TTN: variants seen among roughly 807,000 people sequenced by gnomAD.
TTN encodes the protein connectin.
A neutral mutation model predicts 3,223.0 loss-of-function variants in TTN; 1,525 were observed. The observed-to-expected ratio is 0.47, with a 90% CI of 0.45 to 0.49. TTN has a LOEUF of 0.49. Among genes scored for constraint, TTN ranks in the 20% least tolerant of loss-of-function variants. The pLI is 0.00. For synonymous variants in TTN, 14,094 were observed against 15,161.0 expected, an observed-to-expected ratio of 0.93 and a Z score of 5.17; for missense variants, 40,786 against 43,424.0, an observed-to-expected ratio of 0.94 and a Z score of 5.40.
In TTN at chr2:178,718,353, T is replaced by A. The variant is rs1377167368; in HGVS notation, c.24753A>T (p.Gln8251His). 5 of 1,613,720 alleles carry A rather than the reference T, an allele frequency of 3.1e-6. No homozygotes were observed. Among genetic ancestry groups the A allele is most frequent in the Non-Finnish European group, 4.2e-6 (5 of 1,179,682 alleles). ...CAGACACCAGAGCTTCACAGATATC[T>A]TGACCAGCCTCATTTTCTATCAGGC... is the stretch of plus-strand genomic sequence containing the variant. The part of the protein sequence containing the change: ...YSCLIENEAG[Q>H]DICEALVSVL... Residue 8251 changes from glutamine (Q) to histidine (H), a missense_variant, in exon 85 of 363, where the codon CAA (glutamine) becomes CAT (histidine). Transcript: ENST00000589042.
chr2:178,679,246 T>G, intron 142 of TTN, 93 bp downstream of exon 142: 1 of 1,335,270 alleles, frequency 7.5e-7, no homozygotes, highest in Non-Finnish European at 1.1e-6. Flanking sequence ...ATGTTGTTAA[T>G]ATTGTCATGG....
Position 178,728,568 on chromosome 2 carries a change from C to T in TTN, c.19358G>A (p.Gly6453Asp). Residue 6453 changes from glycine (G) to aspartate (D), a missense_variant, in exon 66 of 363, where the codon GGT becomes GAT. Coordinates refer to ENST00000589042, the MANE Select transcript of TTN (RefSeq NM_001267550.2). The part of the protein sequence containing the change: ...RIQSVMKQDS[G>D]QYTFKVENDF... The stretch of plus-strand genomic sequence containing the variant: ...ATTTTCCACCTTGAAAGTGTACTGA[C>T]CGCTGTCCTGCTTCATTACTGACTG... 1.2e-6 allele frequency: 2 copies of T among 1,613,162 alleles called. No homozygotes were observed. Among genetic ancestry groups the T allele is most frequent in the African/African-American group, 2.7e-5 (2 of 75,004 alleles).
Position 178,729,350 on chromosome 2 carries a change from T to C in TTN, c.18806A>G (p.Tyr6269Cys). The C allele has an allele frequency of 1.2e-6, 2 of 1,613,604 alleles. No individual in the cohort carries two copies. The highest frequency in any genetic ancestry group is 1.7e-5 in the Admixed American group (1 of 59,986). ...GCCTTCATTGGATACAATGCACTGG[T>C]ATTCCCCAGTGTCTGAAGGGTCACA... ...TKCDPSDTGE[Y>C]QCIVSNEGGS... Residue 6269 changes from tyrosine to cysteine, a missense_variant, in exon 64 of 363, where the codon TAC (tyrosine) becomes TGC (cysteine). Transcript: ENST00000589042.
intron 88 of TTN, among the ~76,000 whole-genome samples, chr2:178,716,596 C>T (rs2077518564): frequency 6.6e-6 from 1 of 152,152 alleles, no homozygotes; most frequent in Admixed American, 6.5e-5. Flanking sequence ...GATCTACTTA[C>T]TCCCCAGCCC....
Position 178,564,055 on chromosome 2 carries a change from A to G in TTN, c.82077T>C (p.Ser27359=). ...LKLSNVGGTK[S]IPITVKVLDR... ...CAAGTACCTTTACAGTGATGGGTAT[A>G]GACTTTGTACCACCAACATTGCTGA... The change falls in exon 326 of 363, where the codon TCT becomes TCC. Residue 27359 remains serine, a synonymous_variant. Transcript: ENST00000589042. 1 of 1,613,774 alleles carries G rather than the reference A, an allele frequency of 6.2e-7. No individual in the cohort carries two copies. The highest frequency in any genetic ancestry group is 8.5e-7 in the Non-Finnish European group (1 of 1,179,742).
At chr2:178,750,648 C>T (rs373480236) in intron 47 of TTN, 5 of 1,612,778 alleles carry the variant, frequency 3.1e-6, no homozygotes, top group Admixed American at 3.3e-5. Context: ...GTTTTGAATT[C>T]ATCAATTCGT....
chr2:178,756,609 T>C lies in TTN; in HGVS notation c.10867A>G (p.Thr3623Ala). The C allele has an allele frequency of 6.2e-7, 1 of 1,613,602 alleles. No individual in the cohort carries two copies. Among genetic ancestry groups the C allele is most frequent in the Non-Finnish European group, 8.5e-7 (1 of 1,179,666 alleles). ...FESVSQSSIH[T>A]AASVQDTQLC... ...TGTGTATCTTGAACAGATGCAGCTG[T>C]GTGGATGGAACTTTGAGATACACTT... is the stretch of plus-strand genomic sequence containing the variant. Residue 3623 changes from threonine to alanine, a missense_variant, in exon 46 of 363, where the codon ACA (threonine) becomes GCA (alanine). Physicochemically the swap from Thr to Ala is moderately conservative, Grantham distance 58. Coordinates refer to ENST00000589042, the MANE Select transcript of TTN (RefSeq NM_001267550.2).
At position 178,571,615 on chromosome 2, in the gene TTN, A is replaced by G. The variant is rs1301601226; in HGVS notation, c.74517T>C (p.Ser24839=). ...TCTCAACAATGTAATTATTGATAGAACTTCCACCATCATACTTGGGTGGGC... is the reference window on the plus strand; with the variant it reads ...TCTCAACAATGTAATTATTGATAGAGCTTCCACCATCATACTTGGGTGGGC... ...SWGPPKYDGG[S]SINNYIVEKR... is the part of the protein sequence containing the mutation. Residue 24839 remains serine (S), a synonymous_variant, in exon 326 of 363, where the codon AGT becomes AGC. Transcript: ENST00000589042. The G allele has an allele frequency of 6.2e-7, 1 of 1,613,234 alleles. No homozygotes were observed. The highest frequency in any genetic ancestry group is 1.1e-5 in the South Asian group (1 of 91,056).
Position 178,591,284 on chromosome 2 carries a change from C to T in TTN, c.60441G>A (p.Gly20147=), listed in dbSNP as rs2050138413. The change falls in exon 304 of 363, where the codon GGG becomes GGA. Residue 20147 remains glycine, a synonymous_variant. Coordinates refer to ENST00000589042, the MANE Select transcript of TTN (RefSeq NM_001267550.2). ...TIKNCLRRDT[G]EYQITVSNAA... ...CATTGGAAACTGTGATTTGATATTC[C>T]CCAGTGTCTCTCCTTAAGCAGTTCT... The T allele has an allele frequency of 6.2e-7, 1 of 1,613,112 alleles. No individual in the cohort carries two copies. Among genetic ancestry groups the T allele is most frequent in the Non-Finnish European group, 8.5e-7 (1 of 1,179,436 alleles).
chr2:178,629,236 A>G lies in TTN; in HGVS notation c.44424+65T>C, dbSNP rs1008590559. On this transcript the variant is annotated intron_variant, in intron 240 of 362. Transcript: ENST00000589042. ...TTAGAAAGAGCAAAGAATAAGGAAC[A>G]TACAAGTGAAGGTGGAAGAACTCCA... The G allele has an allele frequency of 5.7e-6, 9 of 1,573,608 alleles. No homozygotes were observed. In the Middle Eastern group the frequency reaches 5.0e-4, roughly 88 times the overall value.
rs1396326748 is a variant in TTN at position 178,564,625 on chromosome 2, A to G, written c.81507T>C (p.Asp27169=). The G allele has an allele frequency of 6.2e-7, 1 of 1,613,562 alleles. No individual in the cohort carries two copies. Among genetic ancestry groups the G allele is most frequent in the Admixed American group, 1.7e-5 (1 of 59,984 alleles). The change falls in exon 326 of 363, where the codon GAT becomes GAC. Residue 27169 remains aspartate, a synonymous_variant. Transcript: ENST00000589042. ...SKVSECFVAR[D]PCDPPGRPEA... is the part of the protein sequence containing the mutation. ...CAGGGCGACCAGGTGGGTCACATGG[A>G]TCACGAGCAACAAAGCATTCTGACA...
chr2:178,621,019 A>G (rs1203869092), intron 246 of TTN, 26 bp from the exon 247 acceptor site: 2 of 1,605,130 alleles, frequency 1.2e-6, no homozygotes, highest in Admixed American at 3.5e-5. Context: ...AAGACTTTAT[A>G]GTATGAATAA....
intron 43 of TTN, among the ~76,000 whole-genome samples, chr2:178,762,160 A>G (rs2089387884): frequency 6.6e-6 from 1 of 152,100 alleles, no homozygotes; most frequent in Admixed American, 6.5e-5. Context: ...TTAAGGCAAT[A>G]CCTGGCCAGA....
chr2:178,792,199 T>C lies in TTN; in HGVS notation c.1537-2A>G, dbSNP rs749182164. 7 of 1,603,432 alleles carry C rather than the reference T, an allele frequency of 4.4e-6. No individual in the cohort carries two copies. The South Asian group carries it at 8.0e-5, about 18-fold the overall frequency. The stretch of plus-strand genomic sequence containing the variant: ...TGTTTTTTCAGTTTCTTTTCTTATC[T>C]GCAAAGAATGATTTAAGAAAAAACT... On this transcript the variant is annotated splice_acceptor_variant, in intron 9 of 362. Transcript: ENST00000589042. LOFTEE classifies it high-confidence loss of function.
rs541472636 is a variant in TTN, at chr2:178,721,676, C to A, written c.22816+171G>T. Among the ~76,000 whole-genome samples, 7 of 152,148 alleles carry A rather than the reference C, an allele frequency of 4.6e-5. No homozygotes were observed. The South Asian group carries it at 1.5e-3, about 32-fold the overall frequency. On this transcript the variant is annotated intron_variant, in intron 78 of 362. Transcript: ENST00000589042. ...CTTAGAGTTACACTAATGTAAAGAACAATATAAAGAGAAAACACAACTTTG... is the reference window on the plus strand; with the variant it reads ...CTTAGAGTTACACTAATGTAAAGAAAAATATAAAGAGAAAACACAACTTTG...
Position 178,539,925 on chromosome 2 carries a change from TACCTTCTTGGTATCTTTC to T in TTN, c.98122_98139del (p.Glu32708_Gly32713del). 6.2e-7 allele frequency: 1 copy of T among 1,613,786 alleles called. No homozygotes were observed. The highest frequency in any genetic ancestry group is 1.3e-5 in the African/African-American group (1 of 75,044). On this transcript the variant is annotated inframe_deletion, in exon 352 of 363. Coordinates refer to ENST00000589042, the MANE Select transcript of TTN (RefSeq NM_001267550.2). ...ATGACGCCACCTTGCCTTACAAAGA[TACCTTCTTGGTATCTTTC>T]ATCAAGTTCATAATCAGGATATTCT...
Position 178,715,179 on chromosome 2 carries a change from A to G in TTN, c.26007T>C (p.Thr8669=). 6.2e-7 allele frequency: 1 copy of G among 1,613,722 alleles called. No homozygotes were observed. The highest frequency in any genetic ancestry group is 8.5e-7 in the Non-Finnish European group (1 of 1,179,696). The change falls in exon 90 of 363, where the codon ACT becomes ACC. Residue 8669 remains threonine, a synonymous_variant. Coordinates refer to ENST00000589042, the MANE Select transcript of TTN (RefSeq NM_001267550.2). The part of the protein sequence containing the change: ...DVHLECELQG[T]PPFHVSWYKD... ...TATACCAAGAAACGTGAAATGGGGG[A>G]GTGCCCTGAAGCTCACATTCAAGGT...
Position 178,781,326 on chromosome 2 carries a change from T to C in TTN, c.3381-63A>G. 1.9e-6 allele frequency: 3 copies of C among 1,588,974 alleles called. No individual in the cohort carries two copies. In the South Asian group the frequency reaches 3.3e-5, roughly 18 times the overall value. On this transcript the variant is annotated intron_variant, in intron 20 of 362. Transcript: ENST00000589042. Reference sequence around the variant, plus strand: ...AACAACTCTTCTGTGGGTAAAATAATTGGACTTATCTGTGAGTGGATCTGT... The same window carrying C: ...AACAACTCTTCTGTGGGTAAAATAACTGGACTTATCTGTGAGTGGATCTGT...
chr2:178,536,770 A>G (rs750055156), intron 356 of TTN, 168 bp downstream of exon 356: 83 of 815,458 alleles, frequency 1.0e-4, no homozygotes, highest in Non-Finnish European at 1.5e-4. Context: ...GTTAGGATAT[A>G]TATTTCTCCT....
Sources: allele counts gnomAD v4.1 joint callset (sites outside exome capture counted in the v4.1 genomes callset), GRCh38; gene constraint gnomAD v4.1.1; transcripts MANE v1.5; gene names NCBI Gene and HGNC (gene_info 2026-07-23, HGNC 2026-07-21).